Variants in ZFP30 observed in about 807,000 individuals in gnomAD.
ZFP30 encodes ZFP30 zinc finger protein.
A neutral mutation model predicts 12.3 loss-of-function variants in ZFP30; 16 were observed. The ratio of observed to expected loss-of-function variants is 1.30; its 90% CI spans 0.88 to 1.98. The LOEUF (loss-of-function observed/expected upper bound fraction) is 1.98, where lower values mean the gene tolerates loss of function less well. Ranked by LOEUF, ZFP30 falls within the 30% of genes most tolerant of loss-of-function variation. ZFP30 has a pLI of 0.00. For missense variants in ZFP30, 560 were observed against 611.2 expected (o/e 0.92, Z 0.88); for synonymous variants, 172 against 201.0 (o/e 0.86, Z 1.22).
chr19:37,648,026 G>C lies in ZFP30; in HGVS notation c.-77-127C>G, dbSNP rs928686657. The C allele has an allele frequency of 4.1e-5, 24 of 586,822 alleles. No individual in the cohort carries two copies. In the African/African-American group the frequency reaches 4.5e-4, roughly 11 times the overall value. 36.4% of individuals were successfully genotyped at this position (586,822 alleles called of 1,614,324 possible). A position where few individuals can be genotyped will look rare whatever the true frequency, so the allele number is the denominator to read the frequency against. On this transcript the variant is annotated intron_variant, in intron 2 of 5. Coordinates refer to ENST00000684514, the MANE Select transcript of ZFP30 (RefSeq NM_001320669.3). ...CCCAACACACAGACAAGTTTTGATA[G>C]GTAAGAGGTAGTTTAGACAAAGATG...
At position 37,635,852 on chromosome 19, in the gene ZFP30, C is replaced by T. The variant is rs146106680; in HGVS notation, c.689G>A (p.Arg230Gln). Residue 230 changes from arginine (R) to glutamine (Q), a missense_variant, in exon 6 of 6, where the codon CGA (arginine) becomes CAA (glutamine). Physicochemically the swap from Arg to Gln is conservative, Grantham distance 43 (BLOSUM62 1). Transcript: ENST00000684514. ...GKIFTCGSDL[R>Q]VHQRIHIGEK... is the part of the protein sequence containing the mutation. ...ACCAATATGAATTCTCTGATGTACT[C>T]GAAGGTCTGAGCCACATGTGAAGAT... 5 of 1,613,984 alleles carry T rather than the reference C, an allele frequency of 3.1e-6. No individual in the cohort carries two copies. In the South Asian group the frequency reaches 3.3e-5, roughly 11 times the overall value.
chr19:37,633,902 T>C lies in ZFP30; in HGVS notation c.*1079A>G, dbSNP rs898803746. The stretch of plus-strand genomic sequence containing the variant: ...TCCTGTGTATAGACTTCAGAAATTA[T>C]CTCTAACAAATACACTTTTACATAA... On this transcript the variant is annotated 3_prime_UTR_variant, in exon 6 of 6. Transcript: ENST00000684514. 8 of 152,190 alleles carry C rather than the reference T, an allele frequency of 5.3e-5. No homozygotes were observed. Among genetic ancestry groups the C allele is most frequent in the African/African-American group, 1.9e-4 (8 of 41,462 alleles). The allele number at this position is 152,190 out of a possible 1,614,324, so 9.4% of individuals were successfully genotyped here. A position where few individuals can be genotyped will look rare whatever the true frequency, so the allele number is the denominator to read the frequency against.
rs2044374470 is a variant in ZFP30 at position 37,638,586 on chromosome 19, G to A, written c.236-2281C>T. On this transcript the variant is annotated intron_variant, in intron 5 of 5. Coordinates refer to ENST00000684514, the MANE Select transcript of ZFP30 (RefSeq NM_001320669.3). ...TACCCAAACTGGAAAGAGTCCAAGT[G>A]TTCATCAATGGAAGAACAGCTAATA... 7.2e-5 allele frequency among the ~76,000 whole-genome samples: 11 copies of A among 152,292 alleles called. No homozygotes were observed. The South Asian group carries it at 2.3e-3, about 32-fold the overall frequency.
intron 3 of ZFP30, among the ~76,000 whole-genome samples, chr19:37,645,362 T>G (rs1250763529): frequency 1.3e-5 from 2 of 152,130 alleles, no homozygotes; most frequent in Admixed American, 1.3e-4. Flanking sequence ...TATGTGTTCT[T>G]GAAGATTTCT....
In ZFP30 at chr19:37,635,617, C is replaced by G; in HGVS notation, c.924G>C (p.Leu308=). 2 of 1,614,092 alleles carry G rather than the reference C, an allele frequency of 1.2e-6. No individual in the cohort carries two copies. The highest frequency in any genetic ancestry group is 8.5e-7 in the Non-Finnish European group (1 of 1,180,012). Reference sequence around the variant, plus strand: ...GATGTAGTCGAAGGCCTGTACTACACAGAAAGGCCTGACCACATTCCTTAC... The same window carrying G: ...GATGTAGTCGAAGGCCTGTACTACAGAGAAAGGCCTGACCACATTCCTTAC... ...YECKECGQAF[L]CSTGLRLHHK... is the part of the protein sequence containing the mutation. Residue 308 remains leucine (L), a synonymous_variant, in exon 6 of 6, where the codon CTG becomes CTC. Coordinates refer to ENST00000684514, the MANE Select transcript of ZFP30 (RefSeq NM_001320669.3).
At position 37,643,121 on chromosome 19, in the gene ZFP30, G is replaced by A. The variant is rs1171046377; in HGVS notation, c.235+144C>T. On this transcript the variant is annotated intron_variant, in intron 5 of 5. Transcript: ENST00000684514. ...GTGGAAGTATGGATGAAATGTCTTT[G>A]ATGGCTCATGCTGAGAAGATCTAAA... 4 of 467,238 alleles carry A rather than the reference G, an allele frequency of 8.6e-6. No individual in the cohort carries two copies. The Admixed American group carries it at 1.3e-4, about 15-fold the overall frequency. 28.9% of individuals were successfully genotyped at this position (467,238 alleles called of 1,614,324 possible).
chr19:37,636,669 C>T (rs1284337444), intron 5 of ZFP30, among the ~76,000 whole-genome samples: 3 of 152,164 alleles, frequency 2.0e-5, no homozygotes, highest in East Asian at 1.9e-4. Flanking sequence ...GTCCCTATGA[C>T]ACTTGCCTGC....
intron 3 of ZFP30, 95 bp downstream of exon 3, chr19:37,647,719 G>A: frequency 6.7e-7 from 1 of 1,496,856 alleles, no homozygotes; most frequent in Admixed American, 1.7e-5. Flanking sequence ...TGTTGAATGG[G>A]GCTCTGTTAG....
intron 2 of ZFP30, among the ~76,000 whole-genome samples, chr19:37,653,438 A>G (rs2044692622): frequency 6.6e-6 from 1 of 152,218 alleles, no homozygotes; most frequent in Admixed American, 6.5e-5. Context: ...TAATATTTAA[A>G]TATTACATTG....
rs2044313961 is a variant in ZFP30, at chr19:37,635,867, CAT to C, written c.672_673del (p.Cys225TrpfsTer14). The C allele has an allele frequency of 6.2e-7, 1 of 1,614,070 alleles. No individual in the cohort carries two copies. The highest frequency in any genetic ancestry group is 8.5e-7 in the Non-Finnish European group (1 of 1,180,042). On this transcript the variant is annotated frameshift_variant, in exon 6 of 6. Coordinates refer to ENST00000684514, the MANE Select transcript of ZFP30 (RefSeq NM_001320669.3). LOFTEE classifies it low-confidence loss of function (END_TRUNC). ...CTGATGTACTCGAAGGTCTGAGCCA[CAT>C]GTGAAGATCTTTCCACATTTTTTAC... is the stretch of plus-strand genomic sequence containing the variant.
intron 5 of ZFP30, among the ~76,000 whole-genome samples, chr19:37,638,140 C>T (rs1281895023): frequency 6.6e-6 from 1 of 152,202 alleles, no homozygotes; most frequent in Non-Finnish European, 1.5e-5. Flanking sequence ...CCAATTGCCT[C>T]TTCATGTACA....
intron 2 of ZFP30, among the ~76,000 whole-genome samples, chr19:37,650,009 G>A (rs2044617900): frequency 6.6e-6 from 1 of 151,872 alleles, no homozygotes; most frequent in Non-Finnish European, 1.5e-5. Flanking sequence ...ATGCATACAT[G>A]TATATGCATG....
intron 5 of ZFP30, among the ~76,000 whole-genome samples, chr19:37,639,497 G>T (rs553858423): frequency 5.3e-5 from 8 of 152,238 alleles, no homozygotes; most frequent in African/African-American, 1.9e-4. Flanking sequence ...ACTTGGGGAG[G>T]CTGTGGTGGG....
intron 3 of ZFP30, among the ~76,000 whole-genome samples, chr19:37,646,678 C>T (rs1456037920): frequency 1.3e-5 from 2 of 152,194 alleles, no homozygotes; most frequent in Non-Finnish European, 2.9e-5. Context: ...TGGGTTCAAG[C>T]AATTCTCCCA....
In ZFP30 at chr19:37,635,445, CA is replaced by C; in HGVS notation, c.1095del (p.Gly366AlafsTer4). The C allele has an allele frequency of 6.2e-7, 1 of 1,613,890 alleles. No individual in the cohort carries two copies. The highest frequency in any genetic ancestry group is 8.5e-7 in the Non-Finnish European group (1 of 1,179,968). ...CTCTGATGGAGAGTTAGATGATAGC[CA>C]CGACTGAAAGTCTTCCCACATTCCT... The part of the protein sequence containing the change: ...DCKECGKTFS[R>X]GYHLTLHQRI... On this transcript the variant is annotated frameshift_variant, in exon 6 of 6. Transcript: ENST00000684514. LOFTEE classifies it low-confidence loss of function (END_TRUNC).
chr19:37,641,007 C>T (rs574796114), intron 5 of ZFP30, among the ~76,000 whole-genome samples: 6 of 152,292 alleles, frequency 3.9e-5, no homozygotes, highest in African/African-American at 1.4e-4. Context: ...ATAATCCATA[C>T]TGAATTCCAA....
chr19:37,651,958 A>G (rs1482063821), intron 2 of ZFP30, among the ~76,000 whole-genome samples: 1 of 152,200 alleles, frequency 6.6e-6, no homozygotes, highest in Non-Finnish European at 1.5e-5. Flanking sequence ...ACAATATATG[A>G]TTAGATTTTT....
intron 3 of ZFP30, among the ~76,000 whole-genome samples, chr19:37,646,280 C>T (rs994826938): frequency 6.6e-6 from 1 of 152,090 alleles, no homozygotes; most frequent in African/African-American, 2.4e-5. Flanking sequence ...CTGCTGTACT[C>T]CATCTGATGG....
In ZFP30 at chr19:37,644,751, G is replaced by A. The variant is rs528789934; in HGVS notation, c.10-15C>T. On this transcript the variant is annotated splice_polypyrimidine_tract_variant and intron_variant, in intron 3 of 5. Coordinates refer to ENST00000684514, the MANE Select transcript of ZFP30 (RefSeq NM_001320669.3). ...ATCACCAAATCCTGAAATGATAAAC[G>A]CATGTATTATTTGTAAGATAAATGA... is the stretch of plus-strand genomic sequence containing the variant. 47 of 1,599,626 alleles carry A rather than the reference G, an allele frequency of 2.9e-5. No individual in the cohort carries two copies. The highest frequency in any genetic ancestry group is 3.5e-5 in the Non-Finnish European group (41 of 1,175,656).
Sources: allele counts gnomAD v4.1 joint callset (sites outside exome capture counted in the v4.1 genomes callset), GRCh38; gene constraint gnomAD v4.1.1; transcripts MANE v1.5; gene names NCBI Gene and HGNC (gene_info 2026-07-23, HGNC 2026-07-21).